Variants in ERF observed in about 807,000 individuals in gnomAD.
The protein encoded by ERF is ETS2 repressor factor.
ERF carries 10 observed loss-of-function variants against 41.6 expected under a neutral mutation model. That is an observed-to-expected ratio of 0.24 (90% CI 0.15 to 0.41). ERF has a LOEUF of 0.41. ERF is among the 10% of genes least tolerant of loss of function. The pLI is 1.00. For missense variants in ERF, 621 were observed against 763.2 expected (o/e 0.81, Z 2.19); for synonymous variants, 395 against 342.4 (o/e 1.15, Z -1.70).
chr19:42,252,819 G>A (rs771518177), intron 1 of ERF, among the ~76,000 whole-genome samples: 23 of 152,212 alleles, frequency 1.5e-4, no homozygotes, highest in Non-Finnish European at 2.9e-4. Flanking sequence ...GCACGGGCAA[G>A]GGGAGCATGT....
Position 42,254,986 on chromosome 19 carries a change from G to T in ERF, c.14C>A (p.Ala5Glu). 6.8e-7 allele frequency: 1 copy of T among 1,472,806 alleles called. No individual in the cohort carries two copies. The highest frequency in any genetic ancestry group is 8.9e-7 in the Non-Finnish European group (1 of 1,119,070). 91.2% of individuals were successfully genotyped at this position (1,472,806 alleles called of 1,614,324 possible). MKTPADTGFAFPDWA... is the reference protein window; with the variant it reads MKTPEDTGFAFPDWA... Reference sequence around the variant, plus strand: ...GCTGCCCCCGCCCCCACCTGTGTCCGCCGGGGTCTTCATGCTGGGGGGCCC... The same window carrying T: ...GCTGCCCCCGCCCCCACCTGTGTCCTCCGGGGTCTTCATGCTGGGGGGCCC... The change falls in exon 1 of 4, where the codon GCG (alanine) becomes GAG (glutamate). Residue 5 changes from alanine to glutamate, a missense_variant. Coordinates refer to ENST00000222329, the MANE Select transcript of ERF (RefSeq NM_006494.4).
chr19:42,253,628 G>A (rs1162100348), intron 1 of ERF, among the ~76,000 whole-genome samples: 1 of 151,888 alleles, frequency 6.6e-6, no homozygotes, highest in Non-Finnish European at 1.5e-5. Flanking sequence ...GGAGTGTGTA[G>A]GACGCACGTG....
In ERF at chr19:42,248,623, C is replaced by G. The variant is rs901205533; in HGVS notation, c.1489G>C (p.Gly497Arg). 6.3e-7 allele frequency: 1 copy of G among 1,583,688 alleles called. No individual in the cohort carries two copies. The highest frequency in any genetic ancestry group is 8.6e-7 in the Non-Finnish European group (1 of 1,162,416). ...RWSEDCRLEGGGGPAGGFEDE... is the reference protein window; with the variant it reads ...RWSEDCRLEGRGGPAGGFEDE... ...TCAAAGCCCCCAGCGGGGCCCCCAC[C>G]CCCTTCGAGGCGACAGTCTTCACTC... The change falls in exon 4 of 4, where the codon GGT becomes CGT. Residue 497 changes from glycine to arginine, a missense_variant. Gly to Arg is a moderately radical substitution (Grantham distance 125). This residue lies in a region of ERF where 569 missense variants were observed against 625.5 expected (regional missense o/e 0.91). Transcript: ENST00000222329. This position sits in a 1 kb window ranked among gnomAD's most constrained non-coding sequence, Gnocchi z 4.2.
In ERF at chr19:42,254,351, G is replaced by A. The variant is rs1031305873; in HGVS notation, c.22+627C>T. Among the ~76,000 whole-genome samples the A allele has an allele frequency of 3.9e-5, 6 of 152,064 alleles. No individual in the cohort carries two copies. In the East Asian group the frequency reaches 5.9e-4, roughly 15 times the overall value. The stretch of plus-strand genomic sequence containing the variant: ...CCACCTTAAAGCCGCGCGTTCTAAG[G>A]TCGGAAACAAAAAGTTCCTTTTTCG... On this transcript the variant is annotated intron_variant, in intron 1 of 3. Transcript: ENST00000222329.
chr19:42,255,049 CGCCCTCGCT>C lies in ERF; in HGVS notation c.-59_-51del. The C allele has an allele frequency of 1.5e-6, 2 of 1,339,394 alleles. No individual in the cohort carries two copies. The highest frequency in any genetic ancestry group is 1.9e-6 in the Non-Finnish European group (2 of 1,045,524). 83.0% of individuals were successfully genotyped at this position (1,339,394 alleles called of 1,614,324 possible). ...CCCGATTCCGGGCCGCGGCTCCCGGCGCCCTCGCTGCCCCGTCCCGTCCCGCGCCCGTCG... is the reference window on the plus strand; with the variant it reads ...CCCGATTCCGGGCCGCGGCTCCCGGCGCCCCGTCCCGTCCCGCGCCCGTCG... On this transcript the variant is annotated 5_prime_UTR_variant, in exon 1 of 4. Coordinates refer to ENST00000222329, the MANE Select transcript of ERF (RefSeq NM_006494.4).
chr19:42,253,746 G>A, intron 1 of ERF: 1 of 538,470 alleles, frequency 1.9e-6, no homozygotes, highest in Non-Finnish European at 2.4e-6. Flanking sequence ...TTAAGATTAA[G>A]CCGCCCCCAC....
chr19:42,249,476 C>T lies in ERF; in HGVS notation c.636G>A (p.Pro212=), dbSNP rs769242507. ...GGGGCCCTCGGAAGGCACCCAGATC[C>T]GGAGGGCCGGGTGGTCGGGCGCGGG... ...EDPRARPPGP[P]DLGAFRGPPL... Residue 212 remains proline, a synonymous_variant, in exon 4 of 4, where the codon CCG becomes CCA. Coordinates refer to ENST00000222329, the MANE Select transcript of ERF (RefSeq NM_006494.4). The surrounding 1 kb of genome is among the most constrained non-coding windows in gnomAD (Gnocchi z 8.6). 1.4e-5 allele frequency: 23 copies of T among 1,606,016 alleles called. No individual in the cohort carries two copies. The highest frequency in any genetic ancestry group is 3.4e-5 in the Admixed American group (2 of 59,282).
chr19:42,248,859 G>A lies in ERF; in HGVS notation c.1253C>T (p.Pro418Leu). The A allele has an allele frequency of 1.2e-6, 2 of 1,609,600 alleles. No individual in the cohort carries two copies. Among genetic ancestry groups the A allele is most frequent in the Non-Finnish European group, 1.7e-6 (2 of 1,178,816 alleles). The part of the protein sequence containing the change: ...GLAEGAGALA[P>L]PPPPPQIKVE... Reference sequence around the variant, plus strand: ...CTTGATCTGTGGTGGCGGGGGCGGTGGGGCTAGCGCCCCTGCCCCCTCAGC... The same window carrying A: ...CTTGATCTGTGGTGGCGGGGGCGGTAGGGCTAGCGCCCCTGCCCCCTCAGC... Residue 418 changes from proline (P) to leucine (L), a missense_variant, in exon 4 of 4, where the codon CCA becomes CTA. Transcript: ENST00000222329. This position sits in a 1 kb window ranked among gnomAD's most constrained non-coding sequence, Gnocchi z 4.2.
In ERF at chr19:42,249,006, G is replaced by T; in HGVS notation, c.1106C>A (p.Ser369Tyr). The stretch of plus-strand genomic sequence containing the variant: ...AAACTTGAATGGGGAGGAAGAAGAA[G>T]AAGAGGATGACGAGGCCGAGGAGGG... Reference protein sequence around the residue: ...PVPSSASSSSSSSSSPFKFKL... With the variant: ...PVPSSASSSSYSSSSPFKFKL... The change falls in exon 4 of 4, where the codon TCT becomes TAT. Residue 369 changes from serine (S) to tyrosine (Y), a missense_variant. Coordinates refer to ENST00000222329, the MANE Select transcript of ERF (RefSeq NM_006494.4). The surrounding 1 kb of genome is among the most constrained non-coding windows in gnomAD (Gnocchi z 8.6). 3 of 1,610,104 alleles carry T rather than the reference G, an allele frequency of 1.9e-6. No individual in the cohort carries two copies. Among genetic ancestry groups the T allele is most frequent in the Non-Finnish European group, 2.5e-6 (3 of 1,179,050 alleles).
Position 42,250,036 on chromosome 19 carries a change from G to T in ERF, c.258-94C>A. Reference sequence around the variant, plus strand: ...CACGCACTTAGGTGTGGTTCCCAAAGGCCAACTGAGGAACGTAGGCCACAA... The same window carrying T: ...CACGCACTTAGGTGTGGTTCCCAAATGCCAACTGAGGAACGTAGGCCACAA... On this transcript the variant is annotated intron_variant, in intron 2 of 3. Transcript: ENST00000222329. This position sits in a 1 kb window ranked among gnomAD's most constrained non-coding sequence, Gnocchi z 5.1. The T allele has an allele frequency of 8.2e-7, 1 of 1,216,192 alleles. No homozygotes were observed. Among genetic ancestry groups the T allele is most frequent in the Non-Finnish European group, 1.2e-6 (1 of 821,908 alleles). 75.3% of individuals were successfully genotyped at this position (1,216,192 alleles called of 1,614,324 possible). A position where few individuals can be genotyped will look rare whatever the true frequency, so the allele number is the denominator to read the frequency against.
In ERF at chr19:42,248,969, C is replaced by T. The variant is rs774221915; in HGVS notation, c.1143G>A (p.Pro381=). The change falls in exon 4 of 4, where the codon CCG becomes CCA. Residue 381 remains proline, a synonymous_variant. Transcript: ENST00000222329. The surrounding 1 kb of genome is among the most constrained non-coding windows in gnomAD (Gnocchi z 4.2). ...SSSPFKFKLQ[P]PPLGRRQRAA... is the part of the protein sequence containing the mutation. ...CCCGCTGCCGGCGTCCGAGTGGGGG[C>T]GGCTGGAGCTTAAACTTGAATGGGG... 1.8e-5 allele frequency: 29 copies of T among 1,606,420 alleles called. No individual in the cohort carries two copies. In the Admixed American group the frequency reaches 2.2e-4, roughly 12 times the overall value.
intron 1 of ERF, chr19:42,254,678 A>C: frequency 1.0e-4 from 25 of 245,474 alleles, no homozygotes; most frequent in Non-Finnish European, 1.6e-4. Flanking sequence ...AGCGGAGGGG[A>C]AGGACCCCGC....
chr19:42,252,671 C>G (rs1452822433), intron 1 of ERF, among the ~76,000 whole-genome samples: 2 of 152,106 alleles, frequency 1.3e-5, no homozygotes, highest in African/African-American at 4.8e-5. Flanking sequence ...CCAAGCCCAC[C>G]ACAACGGCGG....
Position 42,254,905 on chromosome 19 carries a change from G to A in ERF, c.22+73C>T, listed in dbSNP as rs1228044413. 4.1e-6 allele frequency: 6 copies of A among 1,472,460 alleles called. No individual in the cohort carries two copies. In the East Asian group the frequency reaches 8.3e-5, roughly 20 times the overall value. 91.2% of individuals were successfully genotyped at this position (1,472,460 alleles called of 1,614,324 possible). On this transcript the variant is annotated intron_variant, in intron 1 of 3. Coordinates refer to ENST00000222329, the MANE Select transcript of ERF (RefSeq NM_006494.4). Reference sequence around the variant, plus strand: ...ACTCGGGCTCCCCCGGACCCCTTCAGCCCCCCCAAAGTTTCTCCGTTCGGT... The same window carrying A: ...ACTCGGGCTCCCCCGGACCCCTTCAACCCCCCCAAAGTTTCTCCGTTCGGT...
intron 1 of ERF, chr19:42,251,421 C>A (rs1400477514): frequency 2.1e-6 from 2 of 936,336 alleles, no homozygotes; most frequent in African/African-American, 4.4e-5. Flanking sequence ...GCTGGCTGGT[C>A]TCTGGAGGGG....
chr19:42,251,956 C>A (rs2036452392), intron 1 of ERF, among the ~76,000 whole-genome samples: 1 of 152,070 alleles, frequency 6.6e-6, no homozygotes, highest in African/African-American at 2.4e-5. Flanking sequence ...CCTCAGGGTG[C>A]CAGGGATATG....
rs1030457542 is a variant in ERF at position 42,250,010 on chromosome 19, A to G, written c.258-68T>C. On this transcript the variant is annotated intron_variant, in intron 2 of 3. Transcript: ENST00000222329. This position sits in a 1 kb window ranked among gnomAD's most constrained non-coding sequence, Gnocchi z 5.1. ...ACCCAGGTCTAGACTCCACACCTTAACACGCACTTAGGTGTGGTTCCCAAA... is the reference window on the plus strand; with the variant it reads ...ACCCAGGTCTAGACTCCACACCTTAGCACGCACTTAGGTGTGGTTCCCAAA... 6.9e-5 allele frequency: 97 copies of G among 1,410,740 alleles called. No individual in the cohort carries two copies. Among genetic ancestry groups the G allele is most frequent in the Non-Finnish European group, 8.8e-5 (88 of 995,416 alleles). The allele number at this position is 1,410,740 out of a possible 1,614,324, so 87.4% of individuals were successfully genotyped here. A position where few individuals can be genotyped will look rare whatever the true frequency, so the allele number is the denominator to read the frequency against.
Position 42,249,504 on chromosome 19 carries a change from T to A in ERF, c.608A>T (p.Asp203Val). 1 of 1,612,280 alleles carries A rather than the reference T, an allele frequency of 6.2e-7. No individual in the cohort carries two copies. The highest frequency in any genetic ancestry group is 2.2e-5 in the East Asian group (1 of 44,858). ...AGGGCCGGGTGGTCGGGCGCGGGGA[T>A]CCTCTCCCAGCGGTTCCTCCAGCTC... ...TSELEEPLGE[D>V]PRARPPGPPD... The change falls in exon 4 of 4, where the codon GAT (aspartate) becomes GTT (valine). Residue 203 changes from aspartate (D) to valine (V), a missense_variant. Physicochemically the swap from Asp to Val is radical, Grantham distance 152. Transcript: ENST00000222329. This position sits in a 1 kb window ranked among gnomAD's most constrained non-coding sequence, Gnocchi z 8.6.
At chr19:42,253,650 C>G (rs1188978161) in intron 1 of ERF, among the ~76,000 whole-genome samples, 3 of 152,080 alleles carry the variant, frequency 2.0e-5, no homozygotes, top group South Asian at 2.1e-4. Flanking sequence ...CTGACCCTAC[C>G]GCACTCCGCA....
Sources: gnomAD v4.1 joint callset for allele counts (sites outside exome capture counted in the v4.1 genomes callset) on GRCh38, gnomAD v4.1.1 for gene constraint, gnomAD v4.1.1 regional missense constraint, Gnocchi (gnomAD v3.1) non-coding constraint, MANE v1.5 for transcripts, NCBI Gene and HGNC (gene_info 2026-07-23, HGNC 2026-07-21) for gene names.